Variants in PLXND1 observed in about 807,000 individuals in gnomAD.
PLXND1 encodes plexin-D1.
In PLXND1, 54 loss-of-function variants were observed where a neutral mutation model predicts 197.7. The observed-to-expected ratio is 0.27, with a 90% confidence interval of 0.22 to 0.34. PLXND1 has a LOEUF of 0.34. Ranked by LOEUF, PLXND1 falls within the 10% of genes least tolerant of loss-of-function variation. The pLI, the probability that PLXND1 is intolerant of heterozygous loss-of-function variation, is 1.00. For synonymous variants in PLXND1, 1,180 were observed against 1,161.2 expected (o/e 1.02, Z -0.33); for missense variants, 2,127 against 2,699.2 (o/e 0.79, Z 4.70).
chr3:129,556,807 T>C, intron 34 of PLXND1, 116 bp from the exon 35 acceptor site: 2 of 796,928 alleles, frequency 2.5e-6, no homozygotes, highest in Non-Finnish European at 4.2e-6. Context: ...CACAGAACAG[T>C]TCAGCGATGA....
At position 129,572,890 on chromosome 3, in the gene PLXND1, G is replaced by C. The variant is rs368004712; in HGVS notation, c.2889C>G (p.Thr963=). ...ACTTGCCCTCCTTAGAGGCGTTCAC[G>C]GTCACCACACCTGAGAGTGGTCCTG... ...PAPGPLSGVV[T]VNASKEGKSR... is the part of the protein sequence containing the mutation. The change falls in exon 14 of 36, where the codon ACC becomes ACG. Residue 963 remains threonine (T), a synonymous_variant. Coordinates refer to ENST00000324093, the MANE Select transcript of PLXND1 (RefSeq NM_015103.3). 3 of 1,613,758 alleles carry C rather than the reference G, an allele frequency of 1.9e-6. No homozygotes were observed. In the African/African-American group the frequency reaches 4.0e-5, roughly 22 times the overall value.
At chr3:129,580,220 G>A (rs972830648) in intron 8 of PLXND1, among the ~76,000 whole-genome samples, 4 of 147,022 alleles carry the variant, frequency 2.7e-5, no homozygotes, top group African/African-American at 1.0e-4. Flanking sequence ...GACAGGGTCT[G>A]GTGCAGACCT....
In PLXND1 at chr3:129,557,412, GCT is replaced by G. The variant is rs1055680175; in HGVS notation, c.5446-191_5446-190del. ...CCCCAGACCAGGGGCTCCTCACTGT[GCT>G]CTGTCTGCCCCGCCTACTTTCCCCA... On this transcript the variant is annotated intron_variant, in intron 33 of 35. Coordinates refer to ENST00000324093, the MANE Select transcript of PLXND1 (RefSeq NM_015103.3). This position sits in a 1 kb window ranked among gnomAD's most constrained non-coding sequence, Gnocchi z 4.8. 6.6e-6 allele frequency among the ~76,000 whole-genome samples: 1 copy of G among 152,178 alleles called. No homozygotes were observed. Among genetic ancestry groups the G allele is most frequent in the African/African-American group, 2.4e-5 (1 of 41,442 alleles).
intron 6 of PLXND1, 71 bp from the exon 7 acceptor site, chr3:129,584,304 C>G (rs2085428039): frequency 1.3e-6 from 2 of 1,596,020 alleles, no homozygotes; most frequent in East Asian, 4.5e-5. Context: ...AAGCTGTGAC[C>G]TCTGGCCCCC....
intron 1 of PLXND1, among the ~76,000 whole-genome samples, chr3:129,595,328 C>T (rs1246591361): frequency 6.6e-6 from 1 of 152,220 alleles, no homozygotes; most frequent in African/African-American, 2.4e-5. Context: ...GTGTGCCAGC[C>T]CTGGGAGGGG....
rs562183594 is a variant in PLXND1, at chr3:129,560,649, T to G, written c.5028+40A>C. ...CACAGAAAGCCAAGGCCACACCCAC[T>G]GAGGGGCTGGATCCCCCGGGGCCGA... On this transcript the variant is annotated intron_variant, in intron 30 of 35. Transcript: ENST00000324093. 36 of 1,516,270 alleles carry G rather than the reference T, an allele frequency of 2.4e-5. No homozygotes were observed. In the East Asian group the frequency reaches 8.1e-4, roughly 34 times the overall value. The allele number at this position is 1,516,270 out of a possible 1,614,324, so 93.9% of individuals were successfully genotyped here.
chr3:129,575,937 C>T lies in PLXND1; in HGVS notation c.2347-82G>A, dbSNP rs535399498. ...GCCCTCTAACTCCAGCAGGACACCA[C>T]GGGCTCCTGCTGGGAAAGGTGGGCT... On this transcript the variant is annotated intron_variant, in intron 9 of 35. Transcript: ENST00000324093. 193 of 800,644 alleles carry T rather than the reference C, an allele frequency of 2.4e-4. 2 individuals carry two copies. The Admixed American group carries it at 3.5e-3, about 14-fold the overall frequency. The allele number at this position is 800,644 out of a possible 1,614,324, so 49.6% of individuals were successfully genotyped here.
At chr3:129,589,744 G>A (rs1275587343) in intron 1 of PLXND1, among the ~76,000 whole-genome samples, 1 of 152,184 alleles carries the variant, frequency 6.6e-6, no homozygotes, top group Non-Finnish European at 1.5e-5. Flanking sequence ...GCTGTTCCAA[G>A]GAGATGATGT....
chr3:129,600,436 A>C (rs1254357287), intron 1 of PLXND1, among the ~76,000 whole-genome samples: 1 of 152,154 alleles, frequency 6.6e-6, no homozygotes, highest in Non-Finnish European at 1.5e-5. Context: ...GAGTAGGCTG[A>C]GAGAGACACC....
At chr3:129,560,016 T>A (rs1194302690) in intron 31 of PLXND1, among the ~76,000 whole-genome samples, 1 of 152,176 alleles carries the variant, frequency 6.6e-6, no homozygotes, top group African/African-American at 2.4e-5. Context: ...GTATGGGCTG[T>A]GGGGTGCCGG....
At chr3:129,570,662 C>A in intron 19 of PLXND1, 124 bp downstream of exon 19, 1 of 930,214 alleles carries the variant, frequency 1.1e-6, no homozygotes, top group Non-Finnish European at 1.7e-6. Context: ...CTCTGCTTTG[C>A]TGGACTGAGC....
intron 1 of PLXND1, among the ~76,000 whole-genome samples, chr3:129,592,193 A>G (rs936951610): frequency 5.3e-5 from 8 of 151,958 alleles, no homozygotes; most frequent in Non-Finnish European, 7.4e-5. Flanking sequence ...ACAGTTGGGG[A>G]CAGCCCTGGA....
In PLXND1 at chr3:129,605,445, C is replaced by A. The variant is rs1008460441; in HGVS notation, c.1195G>T (p.Ala399Ser). The change falls in exon 1 of 36, where the codon GCC (alanine) becomes TCC (serine). Residue 399 changes from alanine to serine, a missense_variant. Ala to Ser is a moderately conservative substitution (Grantham distance 99, BLOSUM62 1). Around this residue, in one of 6 missense-constraint regions of PLXND1, gnomAD observed 1,095 missense variants for 1,259.8 expected, o/e 0.87. Coordinates refer to ENST00000324093, the MANE Select transcript of PLXND1 (RefSeq NM_015103.3). ...CAGGCGGTGCGCGCAGCTCGGATGGCGGCTCGCACGTCGGCGAAGCGGAAG... is the reference window on the plus strand; with the variant it reads ...CAGGCGGTGCGCGCAGCTCGGATGGAGGCTCGCACGTCGGCGAAGCGGAAG... ...CAFRFADVRA[A>S]IRAARTACFV... 7 of 1,502,102 alleles carry A rather than the reference C, an allele frequency of 4.7e-6. No homozygotes were observed. Among genetic ancestry groups the A allele is most frequent in the African/African-American group, 4.4e-5 (3 of 68,734 alleles). The allele number at this position is 1,502,102 out of a possible 1,614,324, so 93.0% of individuals were successfully genotyped here. A position where few individuals can be genotyped will look rare whatever the true frequency, so the allele number is the denominator to read the frequency against.
In PLXND1 at chr3:129,575,868, G is replaced by A; in HGVS notation, c.2347-13C>T. The A allele has an allele frequency of 1.3e-6, 2 of 1,563,400 alleles. No individual in the cohort carries two copies. Among genetic ancestry groups the A allele is most frequent in the Non-Finnish European group, 1.8e-6 (2 of 1,135,398 alleles). Reference sequence around the variant, plus strand: ...CCAGGGCTGCACCCTGTGGGAAACAGGGAGTGGGAGGCGGGTTTGAGGAGA... The same window carrying A: ...CCAGGGCTGCACCCTGTGGGAAACAAGGAGTGGGAGGCGGGTTTGAGGAGA... On this transcript the variant is annotated splice_polypyrimidine_tract_variant and intron_variant, in intron 9 of 35. Transcript: ENST00000324093.
intron 2 of PLXND1, among the ~76,000 whole-genome samples, chr3:129,588,969 G>A (rs73863643): frequency 0.023 from 3,505 of 152,300 alleles, 144 homozygotes; most frequent in African/African-American, 0.08. Context: ...CCCCACAACA[G>A]CTTACAGCCC....
intron 8 of PLXND1, among the ~76,000 whole-genome samples, chr3:129,582,184 T>G (rs1350821704): frequency 1.3e-5 from 2 of 152,258 alleles, no homozygotes; most frequent in Non-Finnish European, 2.9e-5. Flanking sequence ...GTTATGGGGC[T>G]CAGGTGGGAG....
chr3:129,556,023 A>G lies in PLXND1; in HGVS notation c.*289T>C, dbSNP rs2084967490. ...AGGACCAACTGGACGTTGTGGAGCA[A>G]GTGGGTGGGCACAGTGCAGGCCGTG... On this transcript the variant is annotated 3_prime_UTR_variant, in exon 36 of 36. Transcript: ENST00000324093. 4 of 361,382 alleles carry G rather than the reference A, an allele frequency of 1.1e-5. No homozygotes were observed. The highest frequency in any genetic ancestry group is 1.1e-4 in the South Asian group (3 of 27,438). The allele number at this position is 361,382 out of a possible 1,614,324, so 22.4% of individuals were successfully genotyped here. A position where few individuals can be genotyped will look rare whatever the true frequency, so the allele number is the denominator to read the frequency against.
intron 1 of PLXND1, among the ~76,000 whole-genome samples, chr3:129,601,034 G>A (rs188899121): frequency 1.3e-5 from 2 of 152,224 alleles, no homozygotes; most frequent in Admixed American, 6.5e-5. Context: ...GGGAAGGAAG[G>A]TAGACTCAGT....
At chr3:129,585,921 C>T (rs758131456) in intron 5 of PLXND1, 31 bp downstream of exon 5, 6 of 1,612,926 alleles carry the variant, frequency 3.7e-6, no homozygotes, top group Non-Finnish European at 4.2e-6. Flanking sequence ...CCCTGTGTCC[C>T]GAGCTGGGTC....
Sources: allele counts gnomAD v4.1 joint callset (sites outside exome capture counted in the v4.1 genomes callset), GRCh38; gene constraint gnomAD v4.1.1; regional missense constraint gnomAD v4.1.1; non-coding constraint Gnocchi (gnomAD v3.1); transcripts MANE v1.5; gene names NCBI Gene and HGNC (gene_info 2026-07-23, HGNC 2026-07-21).